The following DNAH9 variants were observed in gnomAD, a reference collection of about 807,000 sequenced individuals.
The protein encoded by DNAH9 is dynein axonemal heavy chain 9, also known as DNAH9 variant protein.
DNAH9 carries 345 observed loss-of-function variants against 471.6 expected under a neutral mutation model. The ratio of observed to expected loss-of-function variants is 0.73; its 90% CI spans 0.67 to 0.80. The LOEUF (loss-of-function observed/expected upper bound fraction) is 0.80. Among genes scored for constraint, DNAH9 ranks in the 30% least tolerant of loss-of-function variants. The pLI is 0.00. For missense variants in DNAH9, 5,407 were observed against 5,609.2 expected (o/e 0.96, Z 1.15); for synonymous variants, 2,093 against 2,123.6 (o/e 0.99, Z 0.40).
chr17:11,653,903 C>G (rs1481578700), intron 14 of DNAH9, among the ~76,000 whole-genome samples: 1 of 152,104 alleles, frequency 6.6e-6, no homozygotes, highest in East Asian at 1.9e-4. Context: ...TCCAACTGTT[C>G]ATTCATCCAC....
intron 29 of DNAH9, among the ~76,000 whole-genome samples, chr17:11,741,613 T>G (rs1652368527): frequency 6.6e-6 from 1 of 152,174 alleles, no homozygotes; most frequent in Non-Finnish European, 1.5e-5. Flanking sequence ...AAAACCACAG[T>G]TACTTTTGGA....
chr17:11,725,551 T>C (rs927532973), intron 27 of DNAH9, among the ~76,000 whole-genome samples: 1 of 152,178 alleles, frequency 6.6e-6, no homozygotes, highest in Non-Finnish European at 1.5e-5. Flanking sequence ...AAGGTGGGTT[T>C]TATTTTTCCC....
intron 49 of DNAH9, among the ~76,000 whole-genome samples, chr17:11,846,473 C>A (rs1397645000): frequency 2.0e-5 from 3 of 150,968 alleles, no homozygotes; most frequent in African/African-American, 7.3e-5. Context: ...TTAGGATTGA[C>A]TTGGCGATGC....
At chr17:11,606,573 T>TAAAGTAGCTG (rs2072513119) in intron 1 of DNAH9, among the ~76,000 whole-genome samples, 1 of 81,024 alleles carries the variant, frequency 1.2e-5, no homozygotes, top group Admixed American at 1.1e-4. Flanking sequence ...CTCAGCCTCC[T>TAAAGTAGCTG]GAAGTAGCTG....
At chr17:11,635,333 ATTTTTTTTTTTTT>A (rs746022574) in intron 8 of DNAH9, among the ~76,000 whole-genome samples, 1 of 94,666 alleles carries the variant, frequency 1.1e-5, no homozygotes, top group Admixed American at 1.2e-4. Context: ...TGACTCGCTA[ATTTTTTTTTTTTT>A]TTTTTTTTTT....
At chr17:11,643,225 T>C (rs2073311582) in intron 10 of DNAH9, among the ~76,000 whole-genome samples, 1 of 152,244 alleles carries the variant, frequency 6.6e-6, no homozygotes, top group African/African-American at 2.4e-5. Flanking sequence ...TCCTTAGCAT[T>C]CCTGCAGAAG....
chr17:11,830,624 A>G (rs1474537114), intron 48 of DNAH9, among the ~76,000 whole-genome samples: 1 of 152,208 alleles, frequency 6.6e-6, no homozygotes, highest in African/African-American at 2.4e-5. Context: ...AAATAGAGAG[A>G]GGAAAGAGAA....
intron 1 of DNAH9, among the ~76,000 whole-genome samples, chr17:11,601,159 T>C (rs969563807): frequency 1.3e-5 from 2 of 152,220 alleles, no homozygotes; most frequent in Non-Finnish European, 2.9e-5. Flanking sequence ...TTAACAATAT[T>C]CTATTGTATG....
intron 49 of DNAH9, among the ~76,000 whole-genome samples, chr17:11,849,375 C>A (rs1238160095): frequency 6.6e-6 from 1 of 152,190 alleles, no homozygotes; most frequent in Non-Finnish European, 1.5e-5. Context: ...CCATTCCCTG[C>A]CGAAAACACA....
chr17:11,684,758 C>T (rs1026575545), intron 19 of DNAH9, among the ~76,000 whole-genome samples: 10 of 152,184 alleles, frequency 6.6e-5, no homozygotes, highest in Non-Finnish European at 1.2e-4. Flanking sequence ...CCATGGGGTG[C>T]TGTCCTACAT....
chr17:11,748,364 C>T (rs147616977), intron 32 of DNAH9, among the ~76,000 whole-genome samples: 115 of 152,072 alleles, frequency 7.6e-4, no homozygotes, highest in African/African-American at 2.5e-3. Context: ...AGGCATTCAG[C>T]TGTAGTTCAC....
intron 59 of DNAH9, 81 bp downstream of exon 59, chr17:11,894,577 G>A: frequency 1.3e-6 from 2 of 1,561,162 alleles, no homozygotes; most frequent in East Asian, 2.3e-5. Context: ...GAAGTCAGCA[G>A]GGCTCTCTGT....
chr17:11,670,993 G>A (rs935861637), intron 17 of DNAH9, among the ~76,000 whole-genome samples: 25 of 152,270 alleles, frequency 1.6e-4, no homozygotes, highest in Non-Finnish European at 3.4e-4. Context: ...GTGAGCCACC[G>A]TGCCTGACTG....
At chr17:11,794,244 C>T (rs1969167110) in intron 42 of DNAH9, among the ~76,000 whole-genome samples, 1 of 152,058 alleles carries the variant, frequency 6.6e-6, no homozygotes, top group Non-Finnish European at 1.5e-5. Context: ...CGGAGTTTCA[C>T]TGTTTCACCG....
At chr17:11,783,471 G>C (rs1365485728) in intron 39 of DNAH9, among the ~76,000 whole-genome samples, 175 bp from the exon 40 acceptor site, 2 of 152,108 alleles carry the variant, frequency 1.3e-5, no homozygotes, top group African/African-American at 4.8e-5. Context: ...TAGATATGGA[G>C]GTACCTTGGG....
Position 11,682,564 on chromosome 17 carries a change from C to T in DNAH9, c.3743+1675C>T, listed in dbSNP as rs184316568. Among the ~76,000 whole-genome samples the T allele has an allele frequency of 5.1e-3, 768 of 151,770 alleles. 6 individuals are homozygous for T. The highest frequency in any genetic ancestry group is 0.017 in the African/African-American group (710 of 41,388). On this transcript the variant is annotated intron_variant, in intron 19 of 68. Transcript: ENST00000262442. ...AGAATAAGATGAGTAGGTTAAGAGG[C>T]GGGGAAGGACAAGTGTGTAAAACAG...
intron 17 of DNAH9, 135 bp downstream of exon 17, chr17:11,669,929 G>C: frequency 1.3e-6 from 1 of 773,914 alleles, no homozygotes; most frequent in Non-Finnish European, 2.1e-6. Context: ...AGAGGTTCTA[G>C]GCTTTTGGAC....
intron 49 of DNAH9, among the ~76,000 whole-genome samples, chr17:11,851,837 A>G (rs1433215650): frequency 1.1e-5 from 1 of 92,452 alleles, no homozygotes; most frequent in Non-Finnish European, 2.2e-5. Flanking sequence ...ATAGATATAT[A>G]TGAATATGAA....
intron 41 of DNAH9, among the ~76,000 whole-genome samples, chr17:11,791,832 C>T (rs899080581): frequency 1.3e-5 from 2 of 152,016 alleles, no homozygotes; most frequent in African/African-American, 2.4e-5. Context: ...GTGTCTTGGG[C>T]GACTTCAACA....
Sources: allele counts gnomAD v4.1 joint callset (sites outside exome capture counted in the v4.1 genomes callset), GRCh38; gene constraint gnomAD v4.1.1; transcripts MANE v1.5; gene names NCBI Gene and HGNC (gene_info 2026-07-23, HGNC 2026-07-21).